CBFA2T3: variants seen among roughly 807,000 people sequenced by gnomAD.
CBFA2T3 encodes the protein CBFA2/RUNX1 partner transcriptional co-repressor 3, also known as transcriptional corepressor CBFA2T3.
A neutral mutation model predicts 58.6 loss-of-function variants in CBFA2T3; 31 were observed. The ratio of observed to expected loss-of-function variants is 0.53; its 90% CI spans 0.40 to 0.71. The LOEUF (loss-of-function observed/expected upper bound fraction) is 0.71. CBFA2T3 is among the 30% of genes least tolerant of loss of function. The probability of loss-of-function intolerance (pLI) is 0.00; values close to 1 mark genes in which losing one functional copy is unlikely to be tolerated. For missense variants in CBFA2T3, 1,076 were observed against 963.1 expected (o/e 1.12, Z -1.55); for synonymous variants, 531 against 421.9 (o/e 1.26, Z -3.17).
intron 3 of CBFA2T3, among the ~76,000 whole-genome samples, chr16:88,895,860 G>A (rs7200474): frequency 0.19 from 29,358 of 152,134 alleles, 3,006 homozygotes; most frequent in East Asian, 0.45. Context: ...AGGCCCAGAC[G>A]TGCCCTGTGA....
At chr16:88,911,081 G>A (rs1832264575) in intron 1 of CBFA2T3, among the ~76,000 whole-genome samples, 2 of 152,204 alleles carry the variant, frequency 1.3e-5, no homozygotes, top group South Asian at 2.1e-4. Context: ...AGACCCTCCC[G>A]CCCCCACAGG....
chr16:88,973,922 G>T (rs1237725814), intron 1 of CBFA2T3, among the ~76,000 whole-genome samples: 1 of 150,952 alleles, frequency 6.6e-6, no homozygotes, highest in African/African-American at 2.5e-5. Context: ...CGCCTTGCCC[G>T]GTCCCCATAA....
chr16:88,942,044 G>A (rs972512322), intron 1 of CBFA2T3, among the ~76,000 whole-genome samples: 1 of 152,042 alleles, frequency 6.6e-6, no homozygotes, highest in Non-Finnish European at 1.5e-5. Flanking sequence ...CGAAGCCCTC[G>A]CTTCCCGCGG....
chr16:88,928,590 G>A (rs999036297), intron 1 of CBFA2T3, among the ~76,000 whole-genome samples: 2 of 152,224 alleles, frequency 1.3e-5, no homozygotes, highest in African/African-American at 4.8e-5. Flanking sequence ...CGGCGACCCC[G>A]GGCGCTGTCA....
At position 88,894,604 on chromosome 16, in the gene CBFA2T3, T is replaced by C. The variant is rs374974338; in HGVS notation, c.380-2119A>G. 4.1e-3 allele frequency among the ~76,000 whole-genome samples: 548 copies of C among 135,288 alleles called. 14 individuals are homozygous for C. Among genetic ancestry groups the C allele is most frequent in the Non-Finnish European group, 5.4e-3 (353 of 65,474 alleles). 88.8% of individuals were successfully genotyped at this position (135,288 alleles called of 152,430 possible). A position where few individuals can be genotyped will look rare whatever the true frequency, so the allele number is the denominator to read the frequency against. Reference sequence around the variant, plus strand: ...TGCATACATATACACATGCACACAATGTACACACATGCACACACACATGCA... The same window carrying C: ...TGCATACATATACACATGCACACAACGTACACACATGCACACACACATGCA... On this transcript the variant is annotated intron_variant, in intron 3 of 11. Transcript: ENST00000268679.
intron 1 of CBFA2T3, among the ~76,000 whole-genome samples, chr16:88,916,437 T>C (rs1015124022): frequency 2.6e-5 from 4 of 152,284 alleles, no homozygotes; most frequent in African/African-American, 9.6e-5. Flanking sequence ...TCCGTGTGTG[T>C]GTGCACTCAC....
At chr16:88,926,797 C>T (rs1316214115) in intron 1 of CBFA2T3, among the ~76,000 whole-genome samples, 3 of 152,216 alleles carry the variant, frequency 2.0e-5, no homozygotes, top group Non-Finnish European at 4.4e-5. Context: ...TGGGCTGGTG[C>T]CTCGGTGCAC....
intron 1 of CBFA2T3, among the ~76,000 whole-genome samples, chr16:88,961,638 A>G (rs1972360997): frequency 8.3e-6 from 1 of 119,942 alleles, no homozygotes; most frequent in Admixed American, 7.9e-5. Flanking sequence ...CCCACTCCAT[A>G]GTAACCGACA....
At chr16:88,892,120 G>A (rs893431138) in intron 4 of CBFA2T3, 124 bp downstream of exon 4, 97 of 1,390,990 alleles carry the variant, frequency 7.0e-5, no homozygotes, top group South Asian at 4.6e-4. Flanking sequence ...AGGTGGCATC[G>A]TGGGAGCGGG....
At chr16:88,930,056 C>T (rs903036666) in intron 1 of CBFA2T3, among the ~76,000 whole-genome samples, 1 of 137,276 alleles carries the variant, frequency 7.3e-6, no homozygotes, top group African/African-American at 3.0e-5. Context: ...ACAGCTGCAT[C>T]GTCCACGCAA....
At chr16:88,965,684 A>G (rs1374989218) in intron 1 of CBFA2T3, among the ~76,000 whole-genome samples, 4 of 152,184 alleles carry the variant, frequency 2.6e-5, no homozygotes, top group Non-Finnish European at 5.9e-5. Context: ...CGTCTTGTCC[A>G]CAGATACCTG....
At chr16:88,912,120 G>A (rs1285930102) in intron 1 of CBFA2T3, among the ~76,000 whole-genome samples, 1 of 152,246 alleles carries the variant, frequency 6.6e-6, no homozygotes, top group African/African-American at 2.4e-5. Context: ...GCACAGGCCG[G>A]CCTCTGCCTG....
In CBFA2T3 at chr16:88,901,504, G is replaced by T; in HGVS notation, c.304C>A (p.His102Asn). 2 of 1,464,954 alleles carry T rather than the reference G, an allele frequency of 1.4e-6. No homozygotes were observed. The highest frequency in any genetic ancestry group is 1.8e-6 in the Non-Finnish European group (2 of 1,109,184). The allele number at this position is 1,464,954 out of a possible 1,614,324, so 90.7% of individuals were successfully genotyped here. ...TRPPSFTPHT[H>N]REDGPATLPH... ...CGGCTGCCAGGTGGGGGCTACTTAC[G>T]TGTGTGTGGCGTGAAGGAGGGGGGG... Residue 102 changes from histidine (H) to asparagine (N), a missense_variant and splice_region_variant, in exon 2 of 12, where the codon CAT becomes AAT. Transcript: ENST00000268679.
intron 5 of CBFA2T3, among the ~76,000 whole-genome samples, chr16:88,888,194 C>T (rs1426622230): frequency 6.6e-6 from 1 of 151,804 alleles, no homozygotes; most frequent in Non-Finnish European, 1.5e-5. Context: ...GCCAAGCAGG[C>T]CCCCACTCTC....
intron 1 of CBFA2T3, among the ~76,000 whole-genome samples, chr16:88,917,932 G>A (rs1415530880): frequency 6.6e-6 from 1 of 152,184 alleles, no homozygotes; most frequent in African/African-American, 2.4e-5. Context: ...TGCGTGGAGG[G>A]ACCCCAGGAG....
intron 1 of CBFA2T3, among the ~76,000 whole-genome samples, chr16:88,962,371 G>C (rs927725583): frequency 1.3e-5 from 2 of 152,252 alleles, no homozygotes; most frequent in African/African-American, 4.8e-5. Flanking sequence ...CAAATAACAT[G>C]AGACGCCATG....
chr16:88,957,289 G>A (rs1244185409), intron 1 of CBFA2T3, among the ~76,000 whole-genome samples: 2 of 152,256 alleles, frequency 1.3e-5, no homozygotes, highest in South Asian at 2.1e-4. Context: ...GGTCAGAAGT[G>A]CTGCCTTTCC....
In CBFA2T3 at chr16:88,976,703, T is replaced by G. The variant is rs766113784; in HGVS notation, c.105A>C (p.Ala35=). Residue 35 remains alanine, a synonymous_variant, in exon 1 of 12, where the codon GCA becomes GCC. Coordinates refer to ENST00000268679, the MANE Select transcript of CBFA2T3 (RefSeq NM_005187.6). ...CCCGGGGTGCGGAGCAGCCGGCAGA[T>G]GCCAGGAGGCCGCTCTCCAGCACAG... The part of the protein sequence containing the change: ...THPVLESGLL[A]SAGCSAPRGP... 18 of 1,560,734 alleles carry G rather than the reference T, an allele frequency of 1.2e-5. No individual in the cohort carries two copies. The highest frequency in any genetic ancestry group is 1.6e-5 in the Non-Finnish European group (18 of 1,152,534).
chr16:88,975,228 C>CTCCACATCTTT (rs1567644141), intron 1 of CBFA2T3, among the ~76,000 whole-genome samples: 34 of 100,588 alleles, frequency 3.4e-4, no homozygotes, highest in Admixed American at 2.4e-3. Flanking sequence ...TCCTCACCTG[C>CTCCACATCTTT]AGCCATGTCA....
Sources: gnomAD v4.1 joint callset for allele counts (sites outside exome capture counted in the v4.1 genomes callset) on GRCh38, gnomAD v4.1.1 for gene constraint, MANE v1.5 for transcripts, NCBI Gene and HGNC (gene_info 2026-07-23, HGNC 2026-07-21) for gene names.